TSHZ2: variants seen among roughly 807,000 people sequenced by gnomAD.
The protein encoded by TSHZ2 is teashirt zinc finger homeobox 2, also known as teashirt homolog 2.
A neutral mutation model predicts 74.4 loss-of-function variants in TSHZ2; 21 were observed. That is an observed-to-expected ratio of 0.28 (90% confidence interval 0.20 to 0.41). TSHZ2 has a LOEUF of 0.41. Ranked by LOEUF, TSHZ2 falls within the 10% of genes least tolerant of loss-of-function variation. The pLI, the probability that TSHZ2 is intolerant of heterozygous loss-of-function variation, is 1.00. For missense variants in TSHZ2, 1,244 were observed against 1,293.5 expected (o/e 0.96, Z 0.59); for synonymous variants, 540 against 515.3 (o/e 1.05, Z -0.65).
In TSHZ2 at chr20:53,337,793, T is replaced by C. The variant is rs546257624; in HGVS notation, c.*8+81222T>C. ...TAGAGTAGGGCTATAAAATGCCTTT[T>C]AAAGTGTTTAAGCTAAAATGGAAAC... On this transcript the variant is annotated intron_variant, in intron 2 of 2. Coordinates refer to ENST00000371497, the MANE Select transcript of TSHZ2 (RefSeq NM_173485.6). 2.8e-4 allele frequency among the ~76,000 whole-genome samples: 43 copies of C among 152,372 alleles called. 1 individual carries two copies. The South Asian group carries it at 5.8e-3, about 21-fold the overall frequency.
chr20:53,310,772 G>C (rs1406524091), intron 2 of TSHZ2, among the ~76,000 whole-genome samples: 1 of 152,178 alleles, frequency 6.6e-6, no homozygotes, highest in East Asian at 1.9e-4. Flanking sequence ...CAGCAAGGGA[G>C]AAAGAGTCTC....
intron 2 of TSHZ2, among the ~76,000 whole-genome samples, chr20:53,367,906 A>T (rs1207329165): frequency 2.0e-5 from 3 of 152,174 alleles, no homozygotes; most frequent in African/African-American, 7.2e-5. Context: ...CGTAACTAGT[A>T]ATGAAAACCA....
chr20:53,455,383 C>T (rs1037447570), intron 2 of TSHZ2: 1 of 151,988 alleles, frequency 6.6e-6, no homozygotes, highest in African/African-American at 2.4e-5. Context: ...AAAGCGGTAC[C>T]CAGTAATGGG....
At chr20:53,329,022 C>G (rs1003510571) in intron 2 of TSHZ2, among the ~76,000 whole-genome samples, 2 of 152,118 alleles carry the variant, frequency 1.3e-5, no homozygotes, top group East Asian at 3.8e-4. Context: ...AATGTATCAC[C>G]CAGGCAAGTA....
At chr20:53,472,934 C>T (rs1342664408) in intron 2 of TSHZ2, among the ~76,000 whole-genome samples, 1 of 152,188 alleles carries the variant, frequency 6.6e-6, no homozygotes, top group African/African-American at 2.4e-5. Flanking sequence ...CACCCGAATA[C>T]TGCGCTTTTC....
intron 1 of TSHZ2, among the ~76,000 whole-genome samples, chr20:53,214,901 T>A (rs1046875790): frequency 2.6e-5 from 4 of 152,098 alleles, no homozygotes; most frequent in African/African-American, 7.2e-5. Context: ...TGCAATGAGC[T>A]TGATTGAAGC....
chr20:53,206,235 A>T (rs1989165228), intron 1 of TSHZ2, among the ~76,000 whole-genome samples: 1 of 152,104 alleles, frequency 6.6e-6, no homozygotes, highest in South Asian at 2.1e-4. Flanking sequence ...TTAAATAAAA[A>T]ATAATAATAA....
At chr20:53,325,823 C>T (rs1979468775) in intron 2 of TSHZ2, among the ~76,000 whole-genome samples, 1 of 152,068 alleles carries the variant, frequency 6.6e-6, no homozygotes, top group South Asian at 2.1e-4. Context: ...ACACTGTCTC[C>T]CGGGCTGGAG....
chr20:53,445,355 T>A (rs1036888835), intron 2 of TSHZ2, among the ~76,000 whole-genome samples: 1 of 152,254 alleles, frequency 6.6e-6, no homozygotes, highest in Non-Finnish European at 1.5e-5. Flanking sequence ...AGTCCTGATA[T>A]ACAGCAATCC....
At chr20:53,052,239 C>A (rs1182697583) in intron 1 of TSHZ2, among the ~76,000 whole-genome samples, 6 of 152,168 alleles carry the variant, frequency 3.9e-5, no homozygotes, top group Non-Finnish European at 5.9e-5. Flanking sequence ...CCACAGTTGT[C>A]TTTTTGTGAC....
chr20:53,436,479 A>C (rs1004967345), intron 2 of TSHZ2, among the ~76,000 whole-genome samples: 26 of 151,634 alleles, frequency 1.7e-4, no homozygotes, highest in African/African-American at 6.3e-4. Context: ...CGACGTACCT[A>C]GACAGAAGAT....
At chr20:53,317,204 A>G (rs1979060523) in intron 2 of TSHZ2, among the ~76,000 whole-genome samples, 1 of 152,190 alleles carries the variant, frequency 6.6e-6, no homozygotes, top group Non-Finnish European at 1.5e-5. Context: ...CAGGACCAAA[A>G]GGCTCCTGCC....
chr20:53,062,431 G>A (rs752997933), intron 1 of TSHZ2, among the ~76,000 whole-genome samples: 33 of 152,202 alleles, frequency 2.2e-4, no homozygotes, highest in Non-Finnish European at 4.1e-4. Flanking sequence ...TAATAGTTGT[G>A]ACAATGTAAT....
In TSHZ2 at chr20:53,430,230, G is replaced by A. The variant is rs868847724; in HGVS notation, c.*9-56914G>A. On this transcript the variant is annotated intron_variant, in intron 2 of 2. Coordinates refer to ENST00000371497, the MANE Select transcript of TSHZ2 (RefSeq NM_173485.6). Reference sequence around the variant, plus strand: ...AGCGATTCTCCTGCCTCAGCCTCCCGAGAAGCTGGGACTACAGGCTCCCTC... The same window carrying A: ...AGCGATTCTCCTGCCTCAGCCTCCCAAGAAGCTGGGACTACAGGCTCCCTC... 7.9e-5 allele frequency among the ~76,000 whole-genome samples: 12 copies of A among 151,796 alleles called. No individual in the cohort carries two copies. The South Asian group carries it at 8.3e-4, about 11-fold the overall frequency.
chr20:53,002,973 G>A (rs190774987), intron 1 of TSHZ2, among the ~76,000 whole-genome samples: 1 of 152,162 alleles, frequency 6.6e-6, no homozygotes, highest in Non-Finnish European at 1.5e-5. Context: ...TTCCTTCCCA[G>A]TTGCTAACCA....
intron 2 of TSHZ2, among the ~76,000 whole-genome samples, chr20:53,432,157 T>C (rs1983868237): frequency 6.6e-6 from 1 of 152,202 alleles, no homozygotes; most frequent in Non-Finnish European, 1.5e-5. Flanking sequence ...CCAGTGTTCA[T>C]TACACCATTC....
intron 1 of TSHZ2, among the ~76,000 whole-genome samples, chr20:52,990,097 T>C (rs946408836): frequency 3.9e-5 from 6 of 152,182 alleles, no homozygotes; most frequent in Non-Finnish European, 2.9e-5. Flanking sequence ...CACAAAATCC[T>C]GTATTGAATA....
At position 53,303,046 on chromosome 20, in the gene TSHZ2, C is replaced by T. The variant is rs528779524; in HGVS notation, c.*8+46475C>T. Among the ~76,000 whole-genome samples, 8 of 152,224 alleles carry T rather than the reference C, an allele frequency of 5.3e-5. No individual in the cohort carries two copies. In the South Asian group the frequency reaches 8.3e-4, roughly 16 times the overall value. Reference sequence around the variant, plus strand: ...CATATCTCCTTCCAACCACATGTACCTTATAAATTAATAATTTTCAGATGT... The same window carrying T: ...CATATCTCCTTCCAACCACATGTACTTTATAAATTAATAATTTTCAGATGT... On this transcript the variant is annotated intron_variant, in intron 2 of 2. Coordinates refer to ENST00000371497, the MANE Select transcript of TSHZ2 (RefSeq NM_173485.6).
chr20:53,324,658 T>C (rs905288016), intron 2 of TSHZ2, among the ~76,000 whole-genome samples: 6 of 152,186 alleles, frequency 3.9e-5, no homozygotes, highest in African/African-American at 1.2e-4. Flanking sequence ...AGATTCCTTT[T>C]CATCCTCAAA....
Sources: gnomAD v4.1 joint callset for allele counts (sites outside exome capture counted in the v4.1 genomes callset) on GRCh38, gnomAD v4.1.1 for gene constraint, MANE v1.5 for transcripts, NCBI Gene and HGNC (gene_info 2026-07-23, HGNC 2026-07-21) for gene names.